Variants in UHRF1 observed in about 807,000 individuals in gnomAD.
The protein encoded by UHRF1 is ubiquitin like with PHD and ring finger domains 1, also known as E3 ubiquitin-protein ligase UHRF1.
UHRF1 carries 9 observed loss-of-function variants against 96.5 expected under a neutral mutation model. The observed-to-expected ratio is 0.09, with a 90% CI of 0.06 to 0.16. UHRF1 has a LOEUF of 0.16. UHRF1 is among the 10% of genes least tolerant of loss of function. UHRF1 has a pLI of 1.00. For synonymous variants in UHRF1, 455 were observed against 469.9 expected (o/e 0.97, Z 0.41); for missense variants, 626 against 1,131.1 (o/e 0.55, Z 6.40).
chr19:4,945,979 T>TGGGTGGGG lies in UHRF1; in HGVS notation c.1410+17_1410+18insTGGGGGGG. 4 of 576,916 alleles carry TGGGTGGGG rather than the reference T, an allele frequency of 6.9e-6. No individual in the cohort carries two copies. The highest frequency in any genetic ancestry group is 3.8e-5 in the East Asian group (1 of 25,990). 35.7% of individuals were successfully genotyped at this position (576,916 alleles called of 1,614,324 possible). A position where few individuals can be genotyped will look rare whatever the true frequency, so the allele number is the denominator to read the frequency against. ...GAGGATGATGTGGTGAGTGTGTGTG[T>TGGGTGGGG]GGGAGGGGTGGGGGAGGGTTGCTCT... On this transcript the variant is annotated intron_variant, in intron 10 of 16. Transcript: ENST00000650932.
chr19:4,929,210 G>A lies in UHRF1; in HGVS notation c.154-12G>A. On this transcript the variant is annotated splice_polypyrimidine_tract_variant and intron_variant, in intron 2 of 16. Transcript: ENST00000650932. ...GGTGGCTAAACAGCGTCTGCCTCTG[G>A]TGTCCCTGCAGATGGAGGACGGCCA... 1 of 1,606,210 alleles carries A rather than the reference G, an allele frequency of 6.2e-7. No individual in the cohort carries two copies. The highest frequency in any genetic ancestry group is 8.5e-7 in the Non-Finnish European group (1 of 1,174,144).
At chr19:4,951,207 A>G (rs1327988674) in intron 13 of UHRF1, among the ~76,000 whole-genome samples, 1 of 152,140 alleles carries the variant, frequency 6.6e-6, no homozygotes, top group Non-Finnish European at 1.5e-5. Context: ...TGGAGGTTAT[A>G]ATGAGCTGAG....
chr19:4,918,303 G>A (rs562603636), intron 2 of UHRF1, among the ~76,000 whole-genome samples: 16 of 151,974 alleles, frequency 1.1e-4, no homozygotes, highest in Non-Finnish European at 1.9e-4. Flanking sequence ...TGTATTTTTA[G>A]TAGAGACGGG....
chr19:4,917,958 G>A (rs2032578526), intron 2 of UHRF1, among the ~76,000 whole-genome samples: 1 of 152,098 alleles, frequency 6.6e-6, no homozygotes. Flanking sequence ...ATTGGGCCTG[G>A]CCTAGCTTTT....
intron 4 of UHRF1, 104 bp from the exon 5 acceptor site, chr19:4,932,637 C>A: frequency 8.0e-7 from 1 of 1,243,938 alleles, no homozygotes; most frequent in Non-Finnish European, 1.1e-6. Flanking sequence ...TGGGAGGGGC[C>A]TCTGCACACT....
intron 5 of UHRF1, among the ~76,000 whole-genome samples, chr19:4,933,410 G>T (rs1168053019): frequency 6.6e-6 from 1 of 152,094 alleles, no homozygotes; most frequent in Non-Finnish European, 1.5e-5. Context: ...TAGAGACGGG[G>T]TTTCACCGTT....
intron 2 of UHRF1, among the ~76,000 whole-genome samples, chr19:4,920,016 C>T (rs1229732445): frequency 6.6e-6 from 1 of 152,040 alleles, no homozygotes; most frequent in Non-Finnish European, 1.5e-5. Flanking sequence ...GGAGTTTCTC[C>T]ATGTTGGTCA....
At chr19:4,945,739 C>T (rs2033543997) in intron 9 of UHRF1, 122 bp from the exon 10 acceptor site, 1 of 753,882 alleles carries the variant, frequency 1.3e-6, no homozygotes, top group Non-Finnish European at 2.3e-6. Flanking sequence ...ACTCGCAGGC[C>T]TGAGGAGTTT....
chr19:4,940,711 C>T (rs888206426), intron 5 of UHRF1, among the ~76,000 whole-genome samples: 3 of 151,948 alleles, frequency 2.0e-5, no homozygotes, highest in African/African-American at 7.3e-5. Context: ...CTCACTCTGT[C>T]GCCCAGGCTG....
At chr19:4,939,301 A>C (rs1391153667) in intron 5 of UHRF1, among the ~76,000 whole-genome samples, 3 of 141,798 alleles carry the variant, frequency 2.1e-5, no homozygotes, top group Non-Finnish European at 3.0e-5. Context: ...TTCAAGTGAT[A>C]CTCCTGCCTC....
intron 11 of UHRF1, among the ~76,000 whole-genome samples, chr19:4,948,101 CA>C (rs545933981): frequency 0.1 from 7,568 of 75,670 alleles, 138 homozygotes; most frequent in Middle Eastern, 0.18. Flanking sequence ...GAGATCTTGT[CA>C]AAAAAAAAAA....
Position 4,934,196 on chromosome 19 carries a change from G to GTATA in UHRF1, c.785+1252_785+1255dup, listed in dbSNP as rs17886041. ...CCGCCACCACGTCTGGCTAATTTTT[G>GTATA]TATATATATATATATTTAGTAGAGT... On this transcript the variant is annotated intron_variant, in intron 5 of 16. Transcript: ENST00000650932. 1.3e-4 allele frequency among the ~76,000 whole-genome samples: 19 copies of GTATA among 149,146 alleles called. No individual in the cohort carries two copies. The East Asian group carries it at 2.9e-3, about 23-fold the overall frequency.
At position 4,956,839 on chromosome 19, in the gene UHRF1, G is replaced by A. The variant is rs185432045; in HGVS notation, c.2235+26G>A. On this transcript the variant is annotated intron_variant, in intron 16 of 16. Transcript: ENST00000650932. ...GTGAGTAGAGATGGCCGCGGGAGCC[G>A]GGTGGAAGGTTCTGGAAGGATGACC... 36 of 1,537,534 alleles carry A rather than the reference G, an allele frequency of 2.3e-5. No individual in the cohort carries two copies. The Admixed American group carries it at 2.8e-4, about 12-fold the overall frequency.
At position 4,940,359 on chromosome 19, in the gene UHRF1, A is replaced by ATTTTTTTTTTT. The variant is rs543779456; in HGVS notation, c.786-1155_786-1145dup. On this transcript the variant is annotated intron_variant, in intron 5 of 16. Transcript: ENST00000650932. ...CATTGGATCAAGCGTTGCCTTTATG[A>ATTTTTTTTTTT]TTTTTTTTTTTTTTTTTTTTTTTTG... 6.3e-4 allele frequency among the ~76,000 whole-genome samples: 42 copies of ATTTTTTTTTTT among 67,066 alleles called. 1 individual carries two copies. The highest frequency in any genetic ancestry group is 3.0e-3 in the East Asian group (5 of 1,672). The allele number at this position is 67,066 out of a possible 152,430, so 44.0% of individuals were successfully genotyped here. A position where few individuals can be genotyped will look rare whatever the true frequency, so the allele number is the denominator to read the frequency against.
intron 10 of UHRF1, among the ~76,000 whole-genome samples, chr19:4,946,891 T>C (rs527737579): frequency 6.4e-4 from 97 of 152,150 alleles, no homozygotes; most frequent in African/African-American, 2.3e-3. Flanking sequence ...TTTAAGTTTC[T>C]TGAGGACGCA....
At chr19:4,932,212 C>T (rs902054645) in intron 4 of UHRF1, among the ~76,000 whole-genome samples, 4 of 152,176 alleles carry the variant, frequency 2.6e-5, no homozygotes, top group East Asian at 1.9e-4. Flanking sequence ...CATGAGCCAC[C>T]GTGCCCGGCC....
rs554437296 is a variant in UHRF1, at chr19:4,937,464, C to T, written c.786-4064C>T. Among the ~76,000 whole-genome samples, 127 of 152,104 alleles carry T rather than the reference C, an allele frequency of 8.3e-4. 1 individual carries two copies. The highest frequency in any genetic ancestry group is 2.4e-3 in the African/African-American group (101 of 41,488). On this transcript the variant is annotated intron_variant, in intron 5 of 16. Coordinates refer to ENST00000650932, the MANE Select transcript of UHRF1 (RefSeq NM_001048201.3). ...GCAACCTCCGCCTCCTGGATTCAAA[C>T]GATTCTCCTGCCTCAGCCTCTGGAG...
upstream of UHRF1, among the ~76,000 whole-genome samples, chr19:4,905,321 A>G (rs191150971): frequency 2.3e-3 from 345 of 149,970 alleles, 1 homozygote; most frequent in Middle Eastern, 0.01. Context: ...GGGTTTCACC[A>G]TGTTAGCCAG....
Position 4,945,735 on chromosome 19 carries a change from A to G in UHRF1, c.1306-126A>G, listed in dbSNP as rs1470962919. Reference sequence around the variant, plus strand: ...GCAGCACACGTAGTAGGTGACTCGCAGGCCTGAGGAGTTTGGTGTAAAAGT... The same window carrying G: ...GCAGCACACGTAGTAGGTGACTCGCGGGCCTGAGGAGTTTGGTGTAAAAGT... On this transcript the variant is annotated intron_variant, in intron 9 of 16. Coordinates refer to ENST00000650932, the MANE Select transcript of UHRF1 (RefSeq NM_001048201.3). The G allele has an allele frequency of 1.1e-5, 8 of 703,962 alleles. No individual in the cohort carries two copies. In the Admixed American group the frequency reaches 1.5e-4, roughly 13 times the overall value. The allele number at this position is 703,962 out of a possible 1,614,324, so 43.6% of individuals were successfully genotyped here.
Sources: gnomAD v4.1 joint callset for allele counts (sites outside exome capture counted in the v4.1 genomes callset) on GRCh38, gnomAD v4.1.1 for gene constraint, MANE v1.5 for transcripts, NCBI Gene and HGNC (gene_info 2026-07-23, HGNC 2026-07-21) for gene names.